PPARGC1A: variants seen among roughly 807,000 people sequenced by gnomAD.
PPARGC1A encodes the protein peroxisome proliferator-activated receptor gamma coactivator 1-alpha.
A neutral mutation model predicts 88.7 loss-of-function variants in PPARGC1A; 25 were observed. The ratio of observed to expected loss-of-function variants is 0.28; its 90% CI spans 0.21 to 0.39. The LOEUF (loss-of-function observed/expected upper bound fraction) is 0.39. Ranked by LOEUF, PPARGC1A falls within the 10% of genes least tolerant of loss-of-function variation. PPARGC1A has a pLI of 1.00. For missense variants in PPARGC1A, 880 were observed against 968.7 expected (o/e 0.91, Z 1.22); for synonymous variants, 363 against 355.6 (o/e 1.02, Z -0.24).
the PPARGC1A span, among the ~76,000 whole-genome samples, chr4:24,240,451 T>G: frequency 6.6e-6 from 1 of 152,206 alleles, no homozygotes; most frequent in African/African-American, 2.4e-5. Context: ...CAGCTGTTGT[T>G]AAAATATTAC....
At chr4:23,905,802 A>G (rs1263757416), upstream of PPARGC1A, among the ~76,000 whole-genome samples, 2 of 152,208 alleles carry the variant, frequency 1.3e-5, no homozygotes, top group Non-Finnish European at 2.9e-5. Flanking sequence ...AGAAACTTCA[A>G]GACAGTCTTA....
rs966735384 is a variant in PPARGC1A, at chr4:23,792,355, G to T, written c.*3467C>A. 2.6e-5 allele frequency: 4 copies of T among 152,506 alleles called. No homozygotes were observed. Among genetic ancestry groups the T allele is most frequent in the Non-Finnish European group, 5.9e-5 (4 of 68,016 alleles). 9.4% of individuals were successfully genotyped at this position (152,506 alleles called of 1,614,324 possible). ...CTATTCTAGGTCATCTATAGATCAG[G>T]TCTTAGACTACAGTGATTGAAGTTC... On this transcript the variant is annotated 3_prime_UTR_variant, in exon 13 of 13. Coordinates refer to ENST00000264867, the MANE Select transcript of PPARGC1A (RefSeq NM_013261.5).
the PPARGC1A span, among the ~76,000 whole-genome samples, chr4:24,039,992 C>CACTGT: frequency 6.6e-6 from 1 of 152,284 alleles, no homozygotes; most frequent in Admixed American, 6.5e-5. Flanking sequence ...ATAGCACTGT[C>CACTGT]ACTGTTCCAC....
At chr4:24,000,561 G>A in the PPARGC1A span, among the ~76,000 whole-genome samples, 1 of 152,002 alleles carries the variant, frequency 6.6e-6, no homozygotes, top group Non-Finnish European at 1.5e-5. Flanking sequence ...CACTGATACA[G>A]ACAGAGCATC....
At chr4:23,973,935 G>T in the PPARGC1A span, among the ~76,000 whole-genome samples, 1 of 149,392 alleles carries the variant, frequency 6.7e-6, no homozygotes, top group African/African-American at 2.5e-5. Flanking sequence ...TAGCTCTTGA[G>T]GCAAAAAATA....
At chr4:23,853,527 T>A (rs1004540752) in intron 2 of PPARGC1A, among the ~76,000 whole-genome samples, 5 of 152,172 alleles carry the variant, frequency 3.3e-5, no homozygotes, top group African/African-American at 1.2e-4. Flanking sequence ...CAGGTTTCCA[T>A]CATATTTGAA....
At chr4:24,275,259 G>C in the PPARGC1A span, among the ~76,000 whole-genome samples, 1 of 152,134 alleles carries the variant, frequency 6.6e-6, no homozygotes, top group Non-Finnish European at 1.5e-5. Flanking sequence ...ACTGGCATCA[G>C]CATATTACAA....
chr4:24,027,873 CCGAT>C, the PPARGC1A span, among the ~76,000 whole-genome samples: 7 of 152,164 alleles, frequency 4.6e-5, no homozygotes, highest in African/African-American at 1.7e-4. Flanking sequence ...TTGCAACATA[CCGAT>C]CAGTGCCCAT....
chr4:23,953,611 G>T, the PPARGC1A span, among the ~76,000 whole-genome samples: 3 of 152,004 alleles, frequency 2.0e-5, no homozygotes, highest in African/African-American at 7.2e-5. Flanking sequence ...GTCTCATTGC[G>T]CTGAACATTC....
In PPARGC1A at chr4:23,795,886, C is replaced by T. The variant is rs1473705033; in HGVS notation, c.2333G>A (p.Ser778Asn). ...ATCAAAATCCAGAGAGTCATACTTG[C>T]TCTTGGTGGAAGCAGGGTCAAAGTC... ...SDDFDPASTK[S>N]KYDSLDFDSL... The change falls in exon 13 of 13, where the codon AGC becomes AAC. Residue 778 changes from serine to asparagine, a missense_variant. Physicochemically the swap from Ser to Asn is conservative, Grantham distance 46. Coordinates refer to ENST00000264867, the MANE Select transcript of PPARGC1A (RefSeq NM_013261.5). 1.2e-6 allele frequency: 2 copies of T among 1,611,800 alleles called. No homozygotes were observed. The highest frequency in any genetic ancestry group is 1.7e-6 in the Non-Finnish European group (2 of 1,179,154).
chr4:24,411,134 A>C, the PPARGC1A span, among the ~76,000 whole-genome samples: 1 of 152,134 alleles, frequency 6.6e-6, no homozygotes, highest in Non-Finnish European at 1.5e-5. Flanking sequence ...TAATGTGCAC[A>C]TTGTGAATCT....
At chr4:24,067,065 A>T in the PPARGC1A span, among the ~76,000 whole-genome samples, 2 of 152,110 alleles carry the variant, frequency 1.3e-5, no homozygotes, top group African/African-American at 4.8e-5. Context: ...TAGAATATCT[A>T]TACGTTCATT....
the PPARGC1A span, among the ~76,000 whole-genome samples, chr4:23,997,759 T>C: frequency 3.3e-5 from 5 of 152,108 alleles, no homozygotes; most frequent in African/African-American, 1.2e-4. Context: ...CCCAAAGTGC[T>C]GGGATTACAG....
intron 2 of PPARGC1A, among the ~76,000 whole-genome samples, chr4:23,865,135 A>G (rs1406866910): frequency 6.6e-6 from 1 of 152,158 alleles, no homozygotes; most frequent in Non-Finnish European, 1.5e-5. Context: ...TAGTGAACCA[A>G]GATCATACCA....
the PPARGC1A span, among the ~76,000 whole-genome samples, chr4:24,380,702 T>C: frequency 2.0e-5 from 3 of 152,022 alleles, no homozygotes; most frequent in Non-Finnish European, 4.4e-5. Flanking sequence ...GTTCCAGAGA[T>C]AGTTAAGAAA....
the PPARGC1A span, among the ~76,000 whole-genome samples, chr4:24,294,766 T>C: frequency 6.6e-6 from 1 of 152,218 alleles, no homozygotes; most frequent in East Asian, 1.9e-4. Context: ...TTTTATGTTT[T>C]CTTCATGATA....
chr4:23,856,927 A>T (rs1730283423), intron 2 of PPARGC1A, among the ~76,000 whole-genome samples: 2 of 152,092 alleles, frequency 1.3e-5, no homozygotes, highest in African/African-American at 4.8e-5. Flanking sequence ...CGTTTTACAG[A>T]GCTATCCAGG....
At chr4:23,976,722 T>C in the PPARGC1A span, among the ~76,000 whole-genome samples, 1 of 152,030 alleles carries the variant, frequency 6.6e-6, no homozygotes, top group Non-Finnish European at 1.5e-5. Context: ...GAAAAGGCCA[T>C]GTAAGGACAA....
At chr4:23,957,147 G>A in the PPARGC1A span, among the ~76,000 whole-genome samples, 1 of 152,054 alleles carries the variant, frequency 6.6e-6, no homozygotes, top group Non-Finnish European at 1.5e-5. Flanking sequence ...CTGCCACCCA[G>A]CCTATGCAGT....
Sources: gnomAD v4.1 joint callset for allele counts (sites outside exome capture counted in the v4.1 genomes callset) on GRCh38, gnomAD v4.1.1 for gene constraint, MANE v1.5 for transcripts, NCBI Gene and HGNC (gene_info 2026-07-23, HGNC 2026-07-21) for gene names.